The following HHATL variants were observed in gnomAD, a reference collection of about 807,000 sequenced individuals.
HHATL encodes hedgehog acyltransferase like.
A neutral mutation model predicts 59.7 loss-of-function variants in HHATL; 49 were observed. The observed-to-expected ratio is 0.82, with a 90% CI of 0.65 to 1.04. HHATL has a LOEUF of 1.04. Ranked by LOEUF, HHATL falls within the 50% of genes least tolerant of loss-of-function variation. The probability of loss-of-function intolerance (pLI) is 0.00; values close to 1 mark genes in which losing one functional copy is unlikely to be tolerated. For synonymous variants in HHATL, 238 were observed against 257.3 expected (o/e 0.93, Z 0.72); for missense variants, 605 against 650.8 (o/e 0.93, Z 0.77).
intron 7 of HHATL, 34 bp from the exon 8 acceptor site, chr3:42,697,179 A>T (rs763823225): frequency 1.3e-6 from 2 of 1,506,600 alleles, no homozygotes; most frequent in East Asian, 4.6e-5. Context: ...CCTGGGGTCC[A>T]ATCGCCTGGG....
intron 9 of HHATL, 70 bp from the exon 10 acceptor site, chr3:42,693,888 A>G: frequency 7.8e-7 from 1 of 1,289,100 alleles, no homozygotes; most frequent in Non-Finnish European, 1.1e-6. Context: ...GAGAGGACAC[A>G]CAACAGGGCG....
Position 42,699,812 on chromosome 3 carries a change from C to T in HHATL, c.120G>A (p.Arg40=), listed in dbSNP as rs1697856337. 2 of 1,564,918 alleles carry T rather than the reference C, an allele frequency of 1.3e-6. No homozygotes were observed. The highest frequency in any genetic ancestry group is 1.7e-6 in the Non-Finnish European group (2 of 1,153,978). Residue 40 remains arginine, a synonymous_variant, in exon 3 of 12, where the codon AGG becomes AGA. Coordinates refer to ENST00000441594, the MANE Select transcript of HHATL (RefSeq NM_020707.4). ...GTCGCACAGACTCCCGGAAGGCCTTCCTGTGGGCCCCATCTGAGAACAGAG... is the reference window on the plus strand; with the variant it reads ...GTCGCACAGACTCCCGGAAGGCCTTTCTGTGGGCCCCATCTGAGAACAGAG... ...LLEASQDGAH[R]KAFRESVRPG...
At position 42,697,511 on chromosome 3, in the gene HHATL, G is replaced by A. The variant is rs1484080917; in HGVS notation, c.862C>T (p.Leu288Phe). 3 of 1,613,542 alleles carry A rather than the reference G, an allele frequency of 1.9e-6. No homozygotes were observed. Among genetic ancestry groups the A allele is most frequent in the East Asian group, 2.2e-5 (1 of 44,878 alleles). Residue 288 changes from leucine to phenylalanine, a missense_variant, in exon 7 of 12, where the codon CTC (leucine) becomes TTC (phenylalanine). Leu to Phe is a conservative substitution (Grantham distance 22). Coordinates refer to ENST00000441594, the MANE Select transcript of HHATL (RefSeq NM_020707.4). Reference protein sequence around the residue: ...KFANRLPDSALAGLAYSNLVY... With the variant: ...KFANRLPDSAFAGLAYSNLVY... ...CATTTCTCTTCTGTGGACCCACCGA[G>A]GGCACTGTCTGGGAGGCGGTTGGCG...
At chr3:42,696,020 C>T (rs1054652525) in intron 9 of HHATL, among the ~76,000 whole-genome samples, 1 of 152,192 alleles carries the variant, frequency 6.6e-6, no homozygotes, top group Non-Finnish European at 1.5e-5. Flanking sequence ...TCACACACTT[C>T]TCTACTCCTC....
chr3:42,693,795 C>T lies in HHATL; in HGVS notation c.1070G>A (p.Gly357Glu). The T allele has an allele frequency of 1.2e-6, 2 of 1,613,936 alleles. No individual in the cohort carries two copies. Among genetic ancestry groups the T allele is most frequent in the Non-Finnish European group, 1.7e-6 (2 of 1,179,978 alleles). The change falls in exon 10 of 12, where the codon GGG (glycine) becomes GAG (glutamate). Residue 357 changes from glycine (G) to glutamate (E), a missense_variant. Transcript: ENST00000441594. ...LCKYVYNHIG[G>E]EHSAVIPELA... ...CTCTGGGATCACAGCGGAATGCTCCCCACCAATGTGGTTATACACATATCT... is the reference window on the plus strand; with the variant it reads ...CTCTGGGATCACAGCGGAATGCTCCTCACCAATGTGGTTATACACATATCT...
chr3:42,700,919 G>A, intron 1 of HHATL, 80 bp from the exon 2 acceptor site: 1 of 921,558 alleles, frequency 1.1e-6, no homozygotes, highest in Non-Finnish European at 1.7e-6. Flanking sequence ...ACCCCAGTGG[G>A]GACCCACTCT....
intron 2 of HHATL, 151 bp downstream of exon 2, chr3:42,700,570 G>A (rs1697915128): frequency 1.7e-6 from 1 of 596,664 alleles, no homozygotes; most frequent in African/African-American, 1.9e-5. Context: ...ATCTGAGATG[G>A]GAACCCCGGG....
chr3:42,693,298 C>A lies in HHATL; in HGVS notation c.1249-80G>T, dbSNP rs1295185046. On this transcript the variant is annotated intron_variant, in intron 10 of 11. Coordinates refer to ENST00000441594, the MANE Select transcript of HHATL (RefSeq NM_020707.4). ...CATGGTGGGTCAGCAGCCTTACCCA[C>A]CTGGCCAGTCAGGTCTTGGGGCTAT... 20 of 1,558,626 alleles carry A rather than the reference C, an allele frequency of 1.3e-5. 1 individual carries two copies. Among genetic ancestry groups the A allele is most frequent in the Admixed American group, 1.7e-5 (1 of 57,926 alleles).
In HHATL at chr3:42,701,258, T is replaced by C; in HGVS notation, c.-13-419A>G. The C allele has an allele frequency of 5.8e-6, 1 of 172,192 alleles. No homozygotes were observed. Among genetic ancestry groups the C allele is most frequent in the Non-Finnish European group, 1.3e-5 (1 of 79,756 alleles). The allele number at this position is 172,192 out of a possible 1,614,324, so 10.7% of individuals were successfully genotyped here. A position where few individuals can be genotyped will look rare whatever the true frequency, so the allele number is the denominator to read the frequency against. The stretch of plus-strand genomic sequence containing the variant: ...TCTGCCTGCAGGGTCCCCACCTCGA[T>C]CAGTGAGTCTCCCTTAGCTCCTCAC... On this transcript the variant is annotated intron_variant, in intron 1 of 11. Coordinates refer to ENST00000441594, the MANE Select transcript of HHATL (RefSeq NM_020707.4). The surrounding 1 kb of genome is among the most constrained non-coding windows in gnomAD (Gnocchi z 5.1).
At position 42,696,999 on chromosome 3, in the gene HHATL, A is replaced by T; in HGVS notation, c.1010+2T>A. On this transcript the variant is annotated splice_donor_variant, in intron 8 of 11. Coordinates refer to ENST00000441594, the MANE Select transcript of HHATL (RefSeq NM_020707.4). LOFTEE classifies it high-confidence loss of function. ...GCCTCCCCCGTCCTGGCCAGCACTC[A>T]CGTTTCCGCAAAGACGTAGAGTGCG... 1 of 1,608,898 alleles carries T rather than the reference A, an allele frequency of 6.2e-7. No homozygotes were observed. Among genetic ancestry groups the T allele is most frequent in the Non-Finnish European group, 8.5e-7 (1 of 1,176,980 alleles).
At chr3:42,695,456 A>C (rs1032098629) in intron 9 of HHATL, among the ~76,000 whole-genome samples, 1 of 152,162 alleles carries the variant, frequency 6.6e-6, no homozygotes, top group African/African-American at 2.4e-5. Flanking sequence ...ACATCTTCAC[A>C]TGCTGGAGTT....
At chr3:42,692,940 C>T in intron 11 of HHATL, 65 bp from the exon 12 acceptor site, 1 of 1,588,092 alleles carries the variant, frequency 6.3e-7, no homozygotes, top group Non-Finnish European at 8.6e-7. Context: ...TTTTGTCTTC[C>T]CACCCCTCTC....
chr3:42,698,619 T>G (rs1697763148), intron 5 of HHATL, 89 bp downstream of exon 5: 2 of 1,417,376 alleles, frequency 1.4e-6, no homozygotes, highest in Non-Finnish European at 1.9e-6. Flanking sequence ...AAGGGAATAC[T>G]TGGGGATACT....
In HHATL at chr3:42,698,168, T is replaced by C; in HGVS notation, c.667A>G (p.Met223Val). 1 of 1,614,086 alleles carries C rather than the reference T, an allele frequency of 6.2e-7. No individual in the cohort carries two copies. Among genetic ancestry groups the C allele is most frequent in the Non-Finnish European group, 8.5e-7 (1 of 1,179,996 alleles). The part of the protein sequence containing the change: ...YLPFFFFGPI[M>V]TFDRFHAQVS... ...TGAGCATGGAAGCGATCAAAGGTCA[T>C]GATGGGCCCGAAGAAGAAGAAGGGC... Residue 223 changes from methionine (M) to valine (V), a missense_variant, in exon 6 of 12, where the codon ATG becomes GTG. Coordinates refer to ENST00000441594, the MANE Select transcript of HHATL (RefSeq NM_020707.4).
chr3:42,700,800 C>G lies in HHATL; in HGVS notation c.27G>C (p.Ala9=). The G allele has an allele frequency of 6.2e-7, 1 of 1,613,878 alleles. No individual in the cohort carries two copies. Among genetic ancestry groups the G allele is most frequent in the Non-Finnish European group, 8.5e-7 (1 of 1,179,852 alleles). The change falls in exon 2 of 12, where the codon GCG becomes GCC. Residue 9 remains alanine, a synonymous_variant. Coordinates refer to ENST00000441594, the MANE Select transcript of HHATL (RefSeq NM_020707.4). MGIKTALP[A]AELGLYSLVL... is the part of the protein sequence containing the mutation. The stretch of plus-strand genomic sequence containing the variant: ...CCAGAGAGTAGAGGCCCAGCTCAGC[C>G]GCCGGCAATGCTGTCTTGATGCCCA...
At chr3:42,698,660 G>A (rs766168272) in intron 5 of HHATL, 48 bp downstream of exon 5, 1 of 1,511,848 alleles carries the variant, frequency 6.6e-7, no homozygotes, top group African/African-American at 1.4e-5. Context: ...TGAAGTGAGA[G>A]GTTTGGGATC....
At chr3:42,698,435 C>A in intron 5 of HHATL, 84 bp from the exon 6 acceptor site, 1 of 1,304,600 alleles carries the variant, frequency 7.7e-7, no homozygotes, top group Non-Finnish European at 1.1e-6. Context: ...TAGCTTCCCA[C>A]AGGGGCCCAG....
Position 42,692,880 on chromosome 3 carries a change from G to A in HHATL, c.1391-5C>T. 6.2e-7 allele frequency: 1 copy of A among 1,613,890 alleles called. No homozygotes were observed. Among genetic ancestry groups the A allele is most frequent in the South Asian group, 1.1e-5 (1 of 91,072 alleles). On this transcript the variant is annotated splice_region_variant and splice_polypyrimidine_tract_variant and intron_variant, in intron 11 of 11. Coordinates refer to ENST00000441594, the MANE Select transcript of HHATL (RefSeq NM_020707.4). ...ACAGCGTGGTCTGGGGGAACCCTGT[G>A]TGGGGAGGGAGTCATAGATGCTCAG... is the stretch of plus-strand genomic sequence containing the variant.
Position 42,697,508 on chromosome 3 carries a change from C to T in HHATL, c.865G>A (p.Ala289Thr), listed in dbSNP as rs768297166. 38 of 1,613,094 alleles carry T rather than the reference C, an allele frequency of 2.4e-5. No individual in the cohort carries two copies. The highest frequency in any genetic ancestry group is 3.0e-5 in the Non-Finnish European group (35 of 1,179,488). The change falls in exon 7 of 12, where the codon GCT (alanine) becomes ACT (threonine). Residue 289 changes from alanine to threonine, a missense_variant and splice_region_variant. Physicochemically the swap from Ala to Thr is moderately conservative, Grantham distance 58. Coordinates refer to ENST00000441594, the MANE Select transcript of HHATL (RefSeq NM_020707.4). ...FANRLPDSALAGLAYSNLVYD... is the reference protein window; with the variant it reads ...FANRLPDSALTGLAYSNLVYD... ...CCCCATTTCTCTTCTGTGGACCCAC[C>T]GAGGGCACTGTCTGGGAGGCGGTTG...
Sources: allele counts gnomAD v4.1 joint callset (sites outside exome capture counted in the v4.1 genomes callset), GRCh38; gene constraint gnomAD v4.1.1; non-coding constraint Gnocchi (gnomAD v3.1); transcripts MANE v1.5; gene names NCBI Gene and HGNC (gene_info 2026-07-23, HGNC 2026-07-21).